The following THSD7A variants were observed in gnomAD, a reference collection of about 807,000 sequenced individuals.
THSD7A encodes the protein thrombospondin type 1 domain containing 7A.
THSD7A carries 96 observed loss-of-function variants against 231.3 expected under a neutral mutation model. The ratio of observed to expected loss-of-function variants is 0.41; its 90% confidence interval spans 0.35 to 0.49. THSD7A has a LOEUF of 0.49. THSD7A is among the 20% of genes least tolerant of loss of function. The pLI is 0.05. For missense variants in THSD7A, 2,290 were observed against 2,070.2 expected, an observed-to-expected ratio of 1.11 and a Z score of -2.06; for synonymous variants, 940 against 743.3, an observed-to-expected ratio of 1.26 and a Z score of -4.30.
chr7:11,506,670 T>C (rs373018871), intron 6 of THSD7A, among the ~76,000 whole-genome samples: 15 of 152,324 alleles, frequency 9.8e-5, no homozygotes, highest in African/African-American at 3.4e-4. Flanking sequence ...ATTTCAGCTT[T>C]ACTGGCCTTT....
chr7:11,591,913 T>A lies in THSD7A; in HGVS notation c.1272-1272A>T, dbSNP rs182618905. 3.4e-4 allele frequency among the ~76,000 whole-genome samples: 52 copies of A among 152,312 alleles called. No homozygotes were observed. In the Middle Eastern group the frequency reaches 0.014, roughly 40 times the overall value. ...ATGAGAGGAATAGCCTGTCAATAATTTAGATTGGTTACACATTCTATGAAA... is the reference window on the plus strand; with the variant it reads ...ATGAGAGGAATAGCCTGTCAATAATATAGATTGGTTACACATTCTATGAAA... On this transcript the variant is annotated intron_variant, in intron 3 of 27. Coordinates refer to ENST00000423059, the MANE Select transcript of THSD7A (RefSeq NM_015204.3).
rs1782020493 is a variant in THSD7A at position 11,370,749 on chromosome 7, C to T, written c.*5045G>A. ...GGTAGTTAAATTAACATAAAATACA[C>T]ATTTAGGGAATAATAATTTATAGAA... On this transcript the variant is annotated 3_prime_UTR_variant, in exon 28 of 28. Transcript: ENST00000423059. The T allele has an allele frequency of 6.6e-6, 1 of 152,010 alleles. No individual in the cohort carries two copies. The highest frequency in any genetic ancestry group is 2.4e-5 in the African/African-American group (1 of 41,400). 9.4% of individuals were successfully genotyped at this position (152,010 alleles called of 1,614,324 possible).
chr7:11,607,306 C>G lies in THSD7A; in HGVS notation c.1023-13804G>C, dbSNP rs376327083. Among the ~76,000 whole-genome samples the G allele has an allele frequency of 2.9e-4, 44 of 152,124 alleles. No homozygotes were observed. The East Asian group carries it at 8.1e-3, about 28-fold the overall frequency. On this transcript the variant is annotated intron_variant, in intron 2 of 27. Transcript: ENST00000423059. Reference sequence around the variant, plus strand: ...CCGTTACTTATAGCAAGACAGAGGACGATGACTGCTGTGCTCATAGTCAAG... The same window carrying G: ...CCGTTACTTATAGCAAGACAGAGGAGGATGACTGCTGTGCTCATAGTCAAG...
intron 6 of THSD7A, among the ~76,000 whole-genome samples, chr7:11,525,677 G>T (rs979210631): frequency 5.3e-5 from 8 of 152,016 alleles, no homozygotes; most frequent in Non-Finnish European, 1.2e-4. Context: ...AATTATAAAA[G>T]ATATTCTTAC....
intron 22 of THSD7A, among the ~76,000 whole-genome samples, chr7:11,402,314 T>C (rs1171068341): frequency 6.6e-6 from 1 of 152,188 alleles, no homozygotes; most frequent in Non-Finnish European, 1.5e-5. Context: ...AGTAAAGTGG[T>C]TTATTACACA....
At chr7:11,514,293 C>A in intron 6 of THSD7A, among the ~76,000 whole-genome samples, 1 of 152,142 alleles carries the variant, frequency 6.6e-6, no homozygotes, top group East Asian at 1.9e-4. Flanking sequence ...ATGTAAGGTC[C>A]ATGAAGACAG....
At chr7:11,597,637 C>T (rs546950349) in intron 2 of THSD7A, among the ~76,000 whole-genome samples, 1 of 152,172 alleles carries the variant, frequency 6.6e-6, no homozygotes, top group Non-Finnish European at 1.5e-5. Context: ...TTTTGAGAGA[C>T]AGCTCTTGGC....
Position 11,780,997 on chromosome 7 carries a change from C to CAAAAAAAAAAA in THSD7A, c.190+50749_190+50759dup, listed in dbSNP as rs58931693. On this transcript the variant is annotated intron_variant, in intron 1 of 27. Coordinates refer to ENST00000423059, the MANE Select transcript of THSD7A (RefSeq NM_015204.3). ...TGGGCGACAGAGCGAGACTCCGTCT[C>CAAAAAAAAAAA]AAAAAAAAAAAAAAAAAAAAAAAAA... 1.5e-3 allele frequency among the ~76,000 whole-genome samples: 52 copies of CAAAAAAAAAAA among 34,448 alleles called. 5 individuals carry two copies. Among genetic ancestry groups the CAAAAAAAAAAA allele is most frequent in the Admixed American group, 2.8e-3 (5 of 1,772 alleles). The allele number at this position is 34,448 out of a possible 152,430, so 22.6% of individuals were successfully genotyped here.
At chr7:11,569,792 G>A (rs1387429280) in intron 4 of THSD7A, among the ~76,000 whole-genome samples, 1 of 152,148 alleles carries the variant, frequency 6.6e-6, no homozygotes, top group African/African-American at 2.4e-5. Context: ...ATCAACAAAT[G>A]AATGGATAAA....
intron 1 of THSD7A, among the ~76,000 whole-genome samples, chr7:11,707,167 G>C (rs1470047669): frequency 6.6e-6 from 1 of 150,774 alleles, no homozygotes; most frequent in Non-Finnish European, 1.5e-5. Flanking sequence ...TTTCAAGTAG[G>C]CCTCTGAATT....
chr7:11,695,782 T>G (rs1780375204), intron 1 of THSD7A, among the ~76,000 whole-genome samples: 1 of 151,498 alleles, frequency 6.6e-6, no homozygotes, highest in Non-Finnish European at 1.5e-5. Context: ...GGGCTTCATC[T>G]TGAATATGGT....
At chr7:11,467,723 C>G (rs1562633084) in intron 9 of THSD7A, among the ~76,000 whole-genome samples, 1 of 150,838 alleles carries the variant, frequency 6.6e-6, no homozygotes, top group Non-Finnish European at 1.5e-5. Context: ...ATTTTCTTTT[C>G]AAGTATGGTT....
chr7:11,824,181 T>C (rs1488618381), intron 1 of THSD7A, among the ~76,000 whole-genome samples: 2 of 152,090 alleles, frequency 1.3e-5, no homozygotes, highest in Non-Finnish European at 2.9e-5. Flanking sequence ...GAAAGATATA[T>C]TTTCTCAAGT....
chr7:11,671,828 A>AT (rs1180984760), intron 1 of THSD7A, among the ~76,000 whole-genome samples: 1 of 152,088 alleles, frequency 6.6e-6, no homozygotes, highest in South Asian at 2.1e-4. Flanking sequence ...AGCAATTCAC[A>AT]TTTTTTCATT....
intron 1 of THSD7A, among the ~76,000 whole-genome samples, chr7:11,639,552 T>C (rs960555803): frequency 1.3e-5 from 2 of 151,898 alleles, no homozygotes; most frequent in African/African-American, 4.8e-5. Flanking sequence ...GCTGTAGTCC[T>C]AGCTACTCGG....
chr7:11,664,951 G>C (rs1783066614), intron 1 of THSD7A, among the ~76,000 whole-genome samples: 2 of 151,952 alleles, frequency 1.3e-5, no homozygotes, highest in African/African-American at 4.8e-5. Flanking sequence ...AAAAGGGAAA[G>C]GGTGGCTTAG....
intron 1 of THSD7A, among the ~76,000 whole-genome samples, chr7:11,673,517 C>T (rs1221029630): frequency 6.6e-6 from 1 of 152,116 alleles, no homozygotes; most frequent in African/African-American, 2.4e-5. Context: ...TCACCAAGGC[C>T]CCATCACCAT....
At chr7:11,816,557 C>T (rs73043384) in intron 1 of THSD7A, among the ~76,000 whole-genome samples, 9 of 151,976 alleles carry the variant, frequency 5.9e-5, no homozygotes, top group Non-Finnish European at 1.0e-4. Context: ...ACCAGAGTGG[C>T]AAACACAGGA....
chr7:11,479,075 A>G (rs1298304682), intron 7 of THSD7A, among the ~76,000 whole-genome samples: 2 of 152,192 alleles, frequency 1.3e-5, no homozygotes, highest in African/African-American at 4.8e-5. Context: ...TCATATGGTG[A>G]TGCAATATTG....
Sources: gnomAD v4.1 joint callset for allele counts (sites outside exome capture counted in the v4.1 genomes callset) on GRCh38, gnomAD v4.1.1 for gene constraint, MANE v1.5 for transcripts, NCBI Gene and HGNC (gene_info 2026-07-23, HGNC 2026-07-21) for gene names.